The following WBP2NL variants were observed in gnomAD, a reference collection of about 807,000 sequenced individuals.
WBP2NL encodes WBP2 N-terminal like.
In WBP2NL, 27 loss-of-function variants were observed where a neutral mutation model predicts 23.3. The ratio of observed to expected loss-of-function variants is 1.16; its 90% CI spans 0.85 to 1.60. WBP2NL has a LOEUF of 1.60. WBP2NL is among the 40% of genes most tolerant of loss of function. The probability of loss-of-function intolerance (pLI) is 0.00; values close to 1 mark genes in which losing one functional copy is unlikely to be tolerated. For missense variants in WBP2NL, 370 were observed against 389.5 expected, an observed-to-expected ratio of 0.95 and a Z score of 0.42; for synonymous variants, 151 against 145.9, an observed-to-expected ratio of 1.03 and a Z score of -0.25.
chr22:42,020,891 TATATATATATATATATA>T (rs1285647967), intron 4 of WBP2NL, among the ~76,000 whole-genome samples: 25 of 66,238 alleles, frequency 3.8e-4, no homozygotes, highest in Non-Finnish European at 4.5e-4. Flanking sequence ...TATATATATA[TATATATATATATATATA>T]TTTTTTTTTT....
At chr22:42,049,708 A>C (rs1925757229) in intron 8 of WBP2NL, among the ~76,000 whole-genome samples, 2 of 104,856 alleles carry the variant, frequency 1.9e-5, no homozygotes, top group Non-Finnish European at 3.8e-5. Flanking sequence ...AACAAAACAA[A>C]AAAAAAAAAA....
At chr22:42,019,288 C>T (rs191299344) in intron 1 of WBP2NL, 23 bp from the exon 2 acceptor site, 10 of 1,590,672 alleles carry the variant, frequency 6.3e-6, no homozygotes, top group Non-Finnish European at 6.9e-6. Flanking sequence ...TATTGTGTGC[C>T]GTCTGTTCCT....
chr22:42,033,455 C>T (rs1925066844), downstream of WBP2NL, among the ~76,000 whole-genome samples: 1 of 152,188 alleles, frequency 6.6e-6, no homozygotes. Context: ...GTTTGTGTTA[C>T]AGGTCTTTTA....
chr22:42,004,159 C>G (rs537530355), intron 1 of WBP2NL, among the ~76,000 whole-genome samples: 2 of 152,202 alleles, frequency 1.3e-5, no homozygotes, highest in African/African-American at 4.8e-5. Context: ...GTAATCCCAG[C>G]TATTTGGGAG....
chr22:42,001,777 C>T (rs1569444607), intron 1 of WBP2NL: 1 of 1,206,888 alleles, frequency 8.3e-7, no homozygotes. Context: ...ACTCCGTGCT[C>T]CTTGGGAATA....
In WBP2NL at chr22:42,042,116, G is replaced by T. The variant is rs1925420080; in HGVS notation, c.*273+11293G>T. Reference sequence around the variant, plus strand: ...CTTTCAAAAGTTTTTGACTTTGACAGTTTCATTGTGATGTGTCTTGTTGTA... The same window carrying T: ...CTTTCAAAAGTTTTTGACTTTGACATTTTCATTGTGATGTGTCTTGTTGTA... On this transcript the variant is annotated intron_variant and NMD_transcript_variant, in intron 8 of 8. Transcript: ENST00000436265. Among the ~76,000 whole-genome samples the T allele has an allele frequency of 2.6e-5, 4 of 152,306 alleles. No homozygotes were observed. The South Asian group carries it at 8.3e-4, about 32-fold the overall frequency.
intron 1 of WBP2NL, among the ~76,000 whole-genome samples, chr22:42,017,103 C>G (rs1369252882): frequency 6.6e-6 from 1 of 152,172 alleles, no homozygotes; most frequent in Non-Finnish European, 1.5e-5. Context: ...ACCTTCACCT[C>G]TACCTACTGA....
chr22:42,022,239 G>T lies in WBP2NL; in HGVS notation c.407-10G>T. The T allele has an allele frequency of 6.2e-7, 1 of 1,613,920 alleles. No individual in the cohort carries two copies. Among genetic ancestry groups the T allele is most frequent in the Non-Finnish European group, 8.5e-7 (1 of 1,179,798 alleles). ...AAAGAGTTCCTATTTTGCCAAATTT[G>T]TCTTTCCAGCTGCCCGAGGATTTCC... On this transcript the variant is annotated splice_polypyrimidine_tract_variant and intron_variant, in intron 4 of 5. Coordinates refer to ENST00000328823, the MANE Select transcript of WBP2NL (RefSeq NM_152613.3).
At chr22:42,034,650 C>T (rs190233250), downstream of WBP2NL, among the ~76,000 whole-genome samples, 29 of 152,240 alleles carry the variant, frequency 1.9e-4, no homozygotes, top group African/African-American at 5.8e-4. Flanking sequence ...AGCCTGGGAG[C>T]GCTATGGGAG....
chr22:42,029,896 A>AT (rs1411824163), downstream of WBP2NL: 2 of 152,216 alleles, frequency 1.3e-5, no homozygotes, highest in African/African-American at 4.8e-5. Flanking sequence ...ACTTCTTTGT[A>AT]TATGGAGCTT....
chr22:42,041,950 A>AT (rs1423429371), intron 8 of WBP2NL, among the ~76,000 whole-genome samples: 1 of 152,226 alleles, frequency 6.6e-6, no homozygotes, highest in African/African-American at 2.4e-5. Flanking sequence ...TTTGCAGGGT[A>AT]TAGTATTCTT....
At chr22:42,004,562 C>CA (rs1922025571) in intron 1 of WBP2NL, among the ~76,000 whole-genome samples, 1 of 152,056 alleles carries the variant, frequency 6.6e-6, no homozygotes, top group South Asian at 2.1e-4. Context: ...CCACTGCACT[C>CA]CAGCCTCCAG....
downstream of WBP2NL, among the ~76,000 whole-genome samples, chr22:42,028,772 G>C (rs1414861357): frequency 6.6e-6 from 1 of 152,204 alleles, no homozygotes; most frequent in African/African-American, 2.4e-5. Context: ...ATATAAAACA[G>C]AGTTAGGCTG....
intron 4 of WBP2NL, among the ~76,000 whole-genome samples, chr22:42,020,872 A>G (rs1463461989): frequency 2.0e-3 from 30 of 15,016 alleles, no homozygotes; most frequent in South Asian, 2.9e-3. Flanking sequence ...GTGTGTGTAT[A>G]TATATATATA....
At chr22:42,007,441 A>G (rs1013752280) in intron 1 of WBP2NL, among the ~76,000 whole-genome samples, 2 of 152,216 alleles carry the variant, frequency 1.3e-5, no homozygotes, top group Admixed American at 6.5e-5. Context: ...ACATTAAAAT[A>G]CACTTATTGC....
At chr22:42,013,138 C>T (rs145387732) in intron 1 of WBP2NL, among the ~76,000 whole-genome samples, 338 of 152,022 alleles carry the variant, frequency 2.2e-3, no homozygotes, top group African/African-American at 7.8e-3. Flanking sequence ...TTTGGGAGCC[C>T]GAGGTGAGCA....
At chr22:42,017,150 CAG>C (rs1318146937) in intron 1 of WBP2NL, among the ~76,000 whole-genome samples, 2 of 151,934 alleles carry the variant, frequency 1.3e-5, no homozygotes, top group Admixed American at 6.6e-5. Flanking sequence ...TTTTTTGAAA[CAG>C]GGTCATACTC....
chr22:42,019,458 A>T, intron 2 of WBP2NL, 39 bp downstream of exon 2: 2 of 1,581,282 alleles, frequency 1.3e-6, no homozygotes, highest in Non-Finnish European at 1.7e-6. Flanking sequence ...GATTAACTCT[A>T]CATTTGTTTT....
At chr22:42,008,143 T>TTTCCG in intron 1 of WBP2NL, among the ~76,000 whole-genome samples, 1 of 142,232 alleles carries the variant, frequency 7.0e-6, no homozygotes. Context: ...TTTCCTTTCC[T>TTTCCG]TTCCTTTCCT....
Sources: allele counts gnomAD v4.1 joint callset (sites outside exome capture counted in the v4.1 genomes callset), GRCh38; gene constraint gnomAD v4.1.1; transcripts MANE v1.5; gene names NCBI Gene and HGNC (gene_info 2026-07-23, HGNC 2026-07-21).